CAPN13: variants seen among roughly 807,000 people sequenced by gnomAD.
CAPN13 encodes the protein calpain-13.
CAPN13 carries 90 observed loss-of-function variants against 98.4 expected under a neutral mutation model. That is an observed-to-expected ratio of 0.92 (90% confidence interval 0.77 to 1.09). The LOEUF (loss-of-function observed/expected upper bound fraction) is 1.09, where lower values mean the gene tolerates loss of function less well. Among genes scored for constraint, CAPN13 ranks in the 50% least tolerant of loss-of-function variants. The pLI is 0.00. For synonymous variants in CAPN13, 330 were observed against 305.5 expected (o/e 1.08, Z -0.84); for missense variants, 887 against 841.3 (o/e 1.05, Z -0.67).
Position 30,788,495 on chromosome 2 carries a change from T to C in CAPN13, c.-32-1138A>G, listed in dbSNP as rs114938328. Reference sequence around the variant, plus strand: ...ATCCTGAATCCATACTTCCTAGTTATGGGAATTGAAAAACCTCTCTGGTCC... The same window carrying C: ...ATCCTGAATCCATACTTCCTAGTTACGGGAATTGAAAAACCTCTCTGGTCC... On this transcript the variant is annotated intron_variant, in intron 1 of 22. Coordinates refer to ENST00000295055, the MANE Select transcript of CAPN13 (RefSeq NM_144575.3). Among the ~76,000 whole-genome samples the C allele has an allele frequency of 5.8e-3, 879 of 152,272 alleles. 9 individuals are homozygous for C. The highest frequency in any genetic ancestry group is 4.7e-3 in the Non-Finnish European group (317 of 68,004).
At chr2:30,776,180 A>G in intron 3 of CAPN13, 135 bp from the exon 4 acceptor site, 1 of 567,468 alleles carries the variant, frequency 1.8e-6, no homozygotes, top group Non-Finnish European at 3.1e-6. Context: ...CTGAGAGAGG[A>G]GAACCGGGGG....
chr2:30,784,737 A>G (rs1305030244), intron 2 of CAPN13, among the ~76,000 whole-genome samples: 2 of 152,208 alleles, frequency 1.3e-5, no homozygotes, highest in African/African-American at 2.4e-5. Context: ...CAGCTCTAGT[A>G]TCATCTAACT....
At chr2:30,750,304 T>C (rs1379827381) in intron 11 of CAPN13, among the ~76,000 whole-genome samples, 2 of 151,592 alleles carry the variant, frequency 1.3e-5, no homozygotes, top group Non-Finnish European at 2.9e-5. Flanking sequence ...GGGATCTACT[T>C]GAGTGGGGAG....
At chr2:30,800,117 A>AAAG (rs1182775194) in intron 1 of CAPN13, among the ~76,000 whole-genome samples, 2 of 11,418 alleles carry the variant, frequency 1.8e-4, no homozygotes, top group African/African-American at 6.7e-4. Context: ...AAAAGAAAGA[A>AAAG]AAGAAAGAAA....
intron 11 of CAPN13, among the ~76,000 whole-genome samples, chr2:30,749,102 G>A (rs770870933): frequency 1.3e-5 from 2 of 152,130 alleles, no homozygotes; most frequent in Admixed American, 6.6e-5. Flanking sequence ...CTACAAAAGC[G>A]GGGCTAGTTG....
rs1316335279 is a variant in CAPN13, at chr2:30,738,042, T to A, written c.1653+193A>T. 11 of 644,680 alleles carry A rather than the reference T, an allele frequency of 1.7e-5. No individual in the cohort carries two copies. In the East Asian group the frequency reaches 2.8e-4, roughly 17 times the overall value. 39.9% of individuals were successfully genotyped at this position (644,680 alleles called of 1,614,324 possible). The stretch of plus-strand genomic sequence containing the variant: ...TGATCAGCACATAGTAGGTGCTTGA[T>A]AGATGGTAACTATTATCATTGTTGC... On this transcript the variant is annotated intron_variant, in intron 17 of 22. Coordinates refer to ENST00000295055, the MANE Select transcript of CAPN13 (RefSeq NM_144575.3).
At chr2:30,786,761 C>A (rs968867332) in intron 2 of CAPN13, among the ~76,000 whole-genome samples, 3 of 152,074 alleles carry the variant, frequency 2.0e-5, no homozygotes, top group African/African-American at 4.8e-5. Flanking sequence ...GATACTGACA[C>A]CTGAAGAGAA....
In CAPN13 at chr2:30,753,074, C is replaced by T; in HGVS notation, c.1066G>A (p.Val356Met). 6.2e-7 allele frequency: 1 copy of T among 1,614,026 alleles called. No homozygotes were observed. Among genetic ancestry groups the T allele is most frequent in the South Asian group, 1.1e-5 (1 of 91,086 alleles). The part of the protein sequence containing the change: ...GWSQIMFRKQ[V>M]ILGNTAGGPR... ...TTACCTGCAGTGTTTCCTAGAATCACTTGCTTCCTAAACATTATTTGGGAC... is the reference window on the plus strand; with the variant it reads ...TTACCTGCAGTGTTTCCTAGAATCATTTGCTTCCTAAACATTATTTGGGAC... The change falls in exon 10 of 23, where the codon GTG becomes ATG. Residue 356 changes from valine to methionine, a missense_variant. Val to Met is a conservative substitution (Grantham distance 21). Coordinates refer to ENST00000295055, the MANE Select transcript of CAPN13 (RefSeq NM_144575.3).
At chr2:30,771,346 G>A (rs1052134662) in intron 4 of CAPN13, among the ~76,000 whole-genome samples, 2 of 152,170 alleles carry the variant, frequency 1.3e-5, no homozygotes, top group Non-Finnish European at 2.9e-5. Context: ...GGATGGGATC[G>A]CTTATCCACG....
At chr2:30,765,995 T>C (rs1174302651) in intron 5 of CAPN13, among the ~76,000 whole-genome samples, 1 of 152,084 alleles carries the variant, frequency 6.6e-6, no homozygotes, top group African/African-American at 2.4e-5. Context: ...GCGTGCCCGG[T>C]TGGGGCTGAG....
At chr2:30,732,252 G>T (rs35481680) in intron 20 of CAPN13, among the ~76,000 whole-genome samples, 186 bp downstream of exon 20, 32,793 of 152,094 alleles carry the variant, frequency 0.22, 4,094 homozygotes, top group East Asian at 0.32. Context: ...AACTACAGGG[G>T]AGAGGGGGGT....
chr2:30,759,920 G>T (rs540858466), intron 7 of CAPN13, among the ~76,000 whole-genome samples: 8 of 152,146 alleles, frequency 5.3e-5, no homozygotes. Flanking sequence ...AGCCTGGCTC[G>T]GATAAGGCTC....
chr2:30,790,718 AGACCTTGGTGAT>A (rs1412045523), intron 1 of CAPN13, among the ~76,000 whole-genome samples: 1 of 152,344 alleles, frequency 6.6e-6, no homozygotes, highest in East Asian at 1.9e-4. Flanking sequence ...GTTTGCAGTC[AGACCTTGGTGAT>A]GACCTTGAGC....
chr2:30,724,279 A>C (rs1054693580), intron 22 of CAPN13, among the ~76,000 whole-genome samples: 17 of 152,116 alleles, frequency 1.1e-4, no homozygotes, highest in Middle Eastern at 3.2e-3. Context: ...GTTAATAACT[A>C]CCTCACTTTT....
intron 5 of CAPN13, among the ~76,000 whole-genome samples, chr2:30,765,123 T>C (rs981731667): frequency 2.0e-5 from 3 of 152,186 alleles, no homozygotes; most frequent in Non-Finnish European, 2.9e-5. Flanking sequence ...CCAAGAGGCC[T>C]AATGTTCCCC....
intron 14 of CAPN13, 144 bp downstream of exon 14, chr2:30,742,182 C>A: frequency 9.1e-7 from 1 of 1,096,118 alleles, no homozygotes; most frequent in Admixed American, 2.2e-5. Context: ...CCCTACCCCG[C>A]CCCTTTGAGC....
intron 18 of CAPN13, 73 bp from the exon 19 acceptor site, chr2:30,734,597 A>G: frequency 8.0e-7 from 1 of 1,251,304 alleles, no homozygotes; most frequent in Non-Finnish European, 1.2e-6. Context: ...CCATCCTGGG[A>G]GCTTGCTTCC....
rs201379665 is a variant in CAPN13, at chr2:30,732,499, G to A, written c.1866C>T (p.Ser622=). The part of the protein sequence containing the change: ...LHLVTLRYSD[S]VGRVSFPSLV... ...GGCTGGGGAAGCTGACCCTGCCGACGCTGTCGCTGTACCTGAGGGTCACCA... is the reference window on the plus strand; with the variant it reads ...GGCTGGGGAAGCTGACCCTGCCGACACTGTCGCTGTACCTGAGGGTCACCA... Residue 622 remains serine (S), a synonymous_variant, in exon 20 of 23, where the codon AGC becomes AGT. Transcript: ENST00000295055. 27 of 1,612,704 alleles carry A rather than the reference G, an allele frequency of 1.7e-5. No homozygotes were observed. The African/African-American group carries it at 1.9e-4, about 11-fold the overall frequency.
At chr2:30,790,163 C>G (rs746907144) in intron 1 of CAPN13, among the ~76,000 whole-genome samples, 12 of 152,318 alleles carry the variant, frequency 7.9e-5, no homozygotes, top group Admixed American at 5.2e-4. Context: ...AGGAAGGGCC[C>G]ACAACACCTG....
Sources: gnomAD v4.1 joint callset for allele counts (sites outside exome capture counted in the v4.1 genomes callset) on GRCh38, gnomAD v4.1.1 for gene constraint, MANE v1.5 for transcripts, NCBI Gene and HGNC (gene_info 2026-07-23, HGNC 2026-07-21) for gene names.